Variants in STOX2 observed in about 807,000 individuals in gnomAD.
STOX2 encodes storkhead-box protein 2.
STOX2 carries 28 observed loss-of-function variants against 60.9 expected under a neutral mutation model. The observed-to-expected ratio is 0.46, with a 90% CI of 0.34 to 0.63. The LOEUF is 0.63. Ranked by LOEUF, STOX2 falls within the 30% of genes least tolerant of loss-of-function variation. The pLI, the probability that STOX2 is intolerant of heterozygous loss-of-function variation, is 0.01. For synonymous variants in STOX2, 472 were observed against 463.9 expected, an observed-to-expected ratio of 1.02 and a Z score of -0.22; for missense variants, 1,024 against 1,187.7, an observed-to-expected ratio of 0.86 and a Z score of 2.03.
intron 1 of STOX2, among the ~76,000 whole-genome samples, chr4:183,855,756 CTA>C (rs1342383765): frequency 6.6e-6 from 1 of 152,196 alleles, no homozygotes; most frequent in African/African-American, 2.4e-5. Flanking sequence ...AGGAAGAAGA[CTA>C]TGCAGCGGAA....
At chr4:183,946,115 C>T (rs1216084940) in intron 1 of STOX2, among the ~76,000 whole-genome samples, 6 of 152,120 alleles carry the variant, frequency 3.9e-5, no homozygotes, top group South Asian at 2.1e-4. Flanking sequence ...AAATACGAGA[C>T]GTCGGCTGAA....
At chr4:183,850,201 G>A (rs1191202663) in intron 1 of STOX2, among the ~76,000 whole-genome samples, 1 of 151,696 alleles carries the variant, frequency 6.6e-6, no homozygotes, top group Non-Finnish European at 1.5e-5. Context: ...TTGAACTCCT[G>A]TCCTCAGGTG....
rs1056885050 is a variant in STOX2, at chr4:184,010,276, A to G, written c.1438A>G (p.Arg480Gly). ...CAGCCATACACAGGACCGGAGGTCCAGGAATGAGAGATCCAACAAAGCCAA... is the reference window on the plus strand; with the variant it reads ...CAGCCATACACAGGACCGGAGGTCCGGGAATGAGAGATCCAACAAAGCCAA... ...SHSHTQDRRS[R>G]NERSNKAKER... Residue 480 changes from arginine to glycine, a missense_variant, in exon 3 of 4, where the codon AGG becomes GGG. Physicochemically the swap from Arg to Gly is moderately radical, Grantham distance 125 (BLOSUM62 -2). Transcript: ENST00000308497. The surrounding 1 kb of genome is among the most constrained non-coding windows in gnomAD (Gnocchi z 4.5). The G allele has an allele frequency of 6.3e-7, 1 of 1,583,736 alleles. No homozygotes were observed. Among genetic ancestry groups the G allele is most frequent in the African/African-American group, 1.3e-5 (1 of 74,086 alleles).
intron 1 of STOX2, among the ~76,000 whole-genome samples, chr4:183,831,287 T>C (rs1010868099): frequency 1.3e-5 from 2 of 152,204 alleles, no homozygotes; most frequent in African/African-American, 4.8e-5. Context: ...AGGAAAATTG[T>C]GGCAGGAAAG....
chr4:183,861,031 T>C (rs375461368), intron 1 of STOX2, among the ~76,000 whole-genome samples: 2 of 152,218 alleles, frequency 1.3e-5, no homozygotes, highest in South Asian at 4.1e-4. Flanking sequence ...CCTTTTCAGT[T>C]GTTGTTACGG....
chr4:183,849,721 C>T (rs1052788821), intron 1 of STOX2, among the ~76,000 whole-genome samples: 1 of 152,104 alleles, frequency 6.6e-6, no homozygotes, highest in Admixed American at 6.5e-5. Context: ...ATCCACACAT[C>T]GGGATCAGGA....
chr4:183,822,500 C>G (rs1232131878), intron 1 of STOX2, among the ~76,000 whole-genome samples: 2 of 152,314 alleles, frequency 1.3e-5, no homozygotes, highest in South Asian at 4.1e-4. Flanking sequence ...ACTAGACGGT[C>G]CCATCTGGGA....
At chr4:183,891,655 G>A (rs1047758175) in intron 1 of STOX2, among the ~76,000 whole-genome samples, 11 of 151,946 alleles carry the variant, frequency 7.2e-5, no homozygotes, top group African/African-American at 2.4e-4. Context: ...ATTGGGGTCA[G>A]TGTATACTGC....
intron 1 of STOX2, among the ~76,000 whole-genome samples, chr4:183,845,165 A>G (rs899786643): frequency 2.6e-5 from 4 of 152,238 alleles, no homozygotes; most frequent in Non-Finnish European, 4.4e-5. Context: ...GTACAATCAC[A>G]GAAGTTCAGC....
At chr4:183,850,891 A>AGAAAGGATGAGGGAAAGGATGAGG (rs1740104572) in intron 1 of STOX2, among the ~76,000 whole-genome samples, 2 of 64,914 alleles carry the variant, frequency 3.1e-5, no homozygotes, top group African/African-American at 5.6e-5. Flanking sequence ...AAAGGATGAG[A>AGAAAGGATGAGGGAAAGGATGAGG]GAAACGATGA....
chr4:183,958,226 G>A (rs1353534166), intron 1 of STOX2, among the ~76,000 whole-genome samples: 1 of 152,178 alleles, frequency 6.6e-6, no homozygotes, highest in African/African-American at 2.4e-5. Context: ...TGCTATGGGA[G>A]CTCTTTGTAC....
chr4:183,964,918 A>G (rs1285424559), intron 1 of STOX2, among the ~76,000 whole-genome samples: 1 of 152,198 alleles, frequency 6.6e-6, no homozygotes, highest in African/African-American at 2.4e-5. Flanking sequence ...ACGTTATGAA[A>G]AATTACCCTT....
At chr4:183,982,079 G>A (rs779682885) in intron 1 of STOX2, among the ~76,000 whole-genome samples, 1 of 152,212 alleles carries the variant, frequency 6.6e-6, no homozygotes, top group Non-Finnish European at 1.5e-5. Context: ...GCTAGTTCTG[G>A]TTTTGCTAGT....
At chr4:183,860,551 T>A (rs1399781943) in intron 1 of STOX2, among the ~76,000 whole-genome samples, 1 of 151,964 alleles carries the variant, frequency 6.6e-6, no homozygotes, top group Non-Finnish European at 1.5e-5. Flanking sequence ...TGATATGCTT[T>A]AAAAGAAACA....
intron 1 of STOX2, among the ~76,000 whole-genome samples, chr4:183,811,928 A>ATTTT (rs529589265): frequency 1.1e-4 from 14 of 129,694 alleles, no homozygotes; most frequent in African/African-American, 2.8e-4. Context: ...GAAAGCCTGG[A>ATTTT]TTTTTTTTTT....
chr4:184,011,607 G>T lies in STOX2; in HGVS notation c.2585+184G>T. The T allele has an allele frequency of 1.3e-6, 2 of 1,526,390 alleles. No individual in the cohort carries two copies. The highest frequency in any genetic ancestry group is 1.8e-6 in the Non-Finnish European group (2 of 1,141,262). 94.6% of individuals were successfully genotyped at this position (1,526,390 alleles called of 1,614,324 possible). Reference sequence around the variant, plus strand: ...TTCAGGAATTGAAAAAAATGTTTCTGCACCTGTAGAGATCACCAATCTGGA... The same window carrying T: ...TTCAGGAATTGAAAAAAATGTTTCTTCACCTGTAGAGATCACCAATCTGGA... On this transcript the variant is annotated intron_variant, in intron 3 of 3. Transcript: ENST00000308497. This position sits in a 1 kb window ranked among gnomAD's most constrained non-coding sequence, Gnocchi z 4.4.
At position 184,010,833 on chromosome 4, in the gene STOX2, C is replaced by G. The variant is rs559919334; in HGVS notation, c.1995C>G (p.Pro665=). The G allele has an allele frequency of 1.5e-5, 24 of 1,592,760 alleles. No homozygotes were observed. Among genetic ancestry groups the G allele is most frequent in the Admixed American group, 6.9e-5 (4 of 57,706 alleles). Residue 665 remains proline, a synonymous_variant, in exon 3 of 4, where the codon CCC becomes CCG. Coordinates refer to ENST00000308497, the MANE Select transcript of STOX2 (RefSeq NM_020225.3). The surrounding 1 kb of genome is among the most constrained non-coding windows in gnomAD (Gnocchi z 4.5). ...CACCAAAAGGGCCGGGTGGGGGCCCCGCTGCTTCGGGAGGAGTGGCTGAAG... is the reference window on the plus strand; with the variant it reads ...CACCAAAAGGGCCGGGTGGGGGCCCGGCTGCTTCGGGAGGAGTGGCTGAAG... ...EESPKGPGGG[P]AASGGVAEGI...
chr4:183,838,491 G>A (rs1329412062), intron 1 of STOX2, among the ~76,000 whole-genome samples: 1 of 152,106 alleles, frequency 6.6e-6, no homozygotes, highest in Non-Finnish European at 1.5e-5. Context: ...ACATCGAGAT[G>A]AACATATCTA....
chr4:183,874,580 T>C (rs1435459969), intron 1 of STOX2, among the ~76,000 whole-genome samples: 1 of 151,936 alleles, frequency 6.6e-6, no homozygotes, highest in African/African-American at 2.4e-5. Flanking sequence ...CTCTTTCTAA[T>C]AGCATTTTTG....
Sources: gnomAD v4.1 joint callset for allele counts (sites outside exome capture counted in the v4.1 genomes callset) on GRCh38, gnomAD v4.1.1 for gene constraint, Gnocchi (gnomAD v3.1) non-coding constraint, MANE v1.5 for transcripts, NCBI Gene and HGNC (gene_info 2026-07-23, HGNC 2026-07-21) for gene names.